Variants in SLIT2 observed in about 807,000 individuals in gnomAD.
SLIT2 encodes the protein slit guidance ligand 2, also known as slit homolog 2 protein.
SLIT2 carries 41 observed loss-of-function variants against 185.7 expected under a neutral mutation model. The observed-to-expected ratio is 0.22, with a 90% CI of 0.17 to 0.29. The LOEUF (loss-of-function observed/expected upper bound fraction) is 0.29. Ranked by LOEUF, SLIT2 falls within the 10% of genes least tolerant of loss-of-function variation. The pLI is 1.00. For missense variants in SLIT2, 1,571 were observed against 1,909.0 expected, an observed-to-expected ratio of 0.82 and a Z score of 3.30; for synonymous variants, 693 against 680.2, an observed-to-expected ratio of 1.02 and a Z score of -0.29.
intron 4 of SLIT2, among the ~76,000 whole-genome samples, chr4:20,421,831 T>C (rs979760450): frequency 2.0e-5 from 3 of 152,206 alleles, no homozygotes; most frequent in African/African-American, 7.2e-5. Context: ...CCTCCTTCCC[T>C]TTCTCCATTT....
intron 4 of SLIT2, among the ~76,000 whole-genome samples, chr4:20,307,231 T>TTCCTTCCTTCC (rs1717661138): frequency 1.7e-5 from 1 of 57,706 alleles, no homozygotes; most frequent in Non-Finnish European, 3.4e-5. Context: ...CTCTATTTCT[T>TTCCTTCCTTCC]TTCCTTCCTT....
intron 4 of SLIT2, among the ~76,000 whole-genome samples, chr4:20,378,820 A>G (rs1307208844): frequency 6.6e-6 from 1 of 152,166 alleles, no homozygotes; most frequent in Non-Finnish European, 1.5e-5. Context: ...TAATTGCCAA[A>G]TCTTGGAAGC....
intron 9 of SLIT2, among the ~76,000 whole-genome samples, chr4:20,500,876 T>C (rs1718670058): frequency 6.6e-6 from 1 of 152,224 alleles, no homozygotes; most frequent in Admixed American, 6.5e-5. Context: ...ATCTCCTATG[T>C]ACTATGAAAG....
intron 11 of SLIT2, among the ~76,000 whole-genome samples, chr4:20,511,608 T>TTTTTTTTTTTTTA (rs1560488457): frequency 6.8e-6 from 1 of 147,568 alleles, no homozygotes; most frequent in South Asian, 2.1e-4. Flanking sequence ...TTTTTTATTT[T>TTTTTTTTTTTTTA]TGGTAGAGAT....
intron 25 of SLIT2, among the ~76,000 whole-genome samples, chr4:20,551,699 C>T (rs1174152386): frequency 6.6e-6 from 1 of 152,050 alleles, no homozygotes; most frequent in South Asian, 2.1e-4. Context: ...TCAGTTGTGC[C>T]CCAGTTTCCT....
chr4:20,367,130 G>C (rs1299812499), intron 4 of SLIT2, among the ~76,000 whole-genome samples: 3 of 152,122 alleles, frequency 2.0e-5, no homozygotes, highest in African/African-American at 7.2e-5. Flanking sequence ...TAAATCCACA[G>C]TGGCTGCATC....
At position 20,567,339 on chromosome 4, in the gene SLIT2, A is replaced by G; in HGVS notation, c.2803A>G (p.Ser935Gly). The change falls in exon 27 of 37, where the codon AGT (serine) becomes GGT (glycine). Residue 935 changes from serine (S) to glycine (G), a missense_variant. Ser to Gly is a moderately conservative substitution (Grantham distance 56). Around this residue, in one of 3 missense-constraint regions of SLIT2, gnomAD observed 1,202 missense variants for 1,416.4 expected, o/e 0.85. Transcript: ENST00000504154. ...GTGTAAAAATGATGGCACATGTAAT[A>G]GTGATCCAGTTGACTTTTACCGATG... ...NPCKNDGTCN[S>G]DPVDFYRCTC... The G allele has an allele frequency of 6.2e-7, 1 of 1,613,212 alleles. No homozygotes were observed. The highest frequency in any genetic ancestry group is 1.3e-5 in the African/African-American group (1 of 75,000).
At chr4:20,365,682 G>C (rs954914649) in intron 4 of SLIT2, among the ~76,000 whole-genome samples, 1 of 152,250 alleles carries the variant, frequency 6.6e-6, no homozygotes, top group East Asian at 1.9e-4. Flanking sequence ...AAAGGAATGC[G>C]AGTGGGGACT....
At chr4:20,596,883 TAA>T (rs11318081) in intron 32 of SLIT2, among the ~76,000 whole-genome samples, 22 of 150,248 alleles carry the variant, frequency 1.5e-4, no homozygotes, top group South Asian at 4.2e-4. Context: ...AAGCAGACAG[TAA>T]AAAAAAAAAT....
At chr4:20,497,790 G>A (rs1393409276) in intron 9 of SLIT2, among the ~76,000 whole-genome samples, 5 of 152,048 alleles carry the variant, frequency 3.3e-5, no homozygotes, top group African/African-American at 1.2e-4. Flanking sequence ...CCATGGGTGG[G>A]GAAGACAGTG....
At chr4:20,415,193 C>T (rs1422114228) in intron 4 of SLIT2, among the ~76,000 whole-genome samples, 5 of 152,056 alleles carry the variant, frequency 3.3e-5, no homozygotes, top group African/African-American at 9.7e-5. Flanking sequence ...GGGCGGATCA[C>T]GAGGTCAGGA....
At chr4:20,435,762 GT>G (rs779270372) in intron 4 of SLIT2, among the ~76,000 whole-genome samples, 97 of 152,318 alleles carry the variant, frequency 6.4e-4, no homozygotes, top group Admixed American at 2.5e-3. Context: ...GAAGTCATAG[GT>G]GTAAGCAAAT....
chr4:20,368,295 T>C (rs951544123), intron 4 of SLIT2, among the ~76,000 whole-genome samples: 12 of 149,316 alleles, frequency 8.0e-5, no homozygotes, highest in African/African-American at 2.9e-4. Flanking sequence ...CACAGTCATC[T>C]AACAGACTGA....
chr4:20,508,731 A>C (rs1719431772), intron 9 of SLIT2, among the ~76,000 whole-genome samples: 1 of 152,150 alleles, frequency 6.6e-6, no homozygotes, highest in Admixed American at 6.6e-5. Flanking sequence ...TCATATTTTT[A>C]CTTTTTCCAA....
intron 3 of SLIT2, among the ~76,000 whole-genome samples, chr4:20,258,288 A>C (rs1712072667): frequency 6.6e-6 from 1 of 151,812 alleles, no homozygotes; most frequent in Non-Finnish European, 1.5e-5. Flanking sequence ...TTAATGGTGC[A>C]TTAGGGAAGA....
chr4:20,369,334 CTTTTCCTCTGG>C lies in SLIT2; in HGVS notation c.396-98413_396-98403del, dbSNP rs1457603606. 3.3e-5 allele frequency among the ~76,000 whole-genome samples: 5 copies of C among 152,056 alleles called. No homozygotes were observed. In the East Asian group the frequency reaches 7.8e-4, roughly 24 times the overall value. On this transcript the variant is annotated intron_variant, in intron 4 of 36. Coordinates refer to ENST00000504154, the MANE Select transcript of SLIT2 (RefSeq NM_004787.4). The stretch of plus-strand genomic sequence containing the variant: ...ATACATGCTGTTGAGGCAGAGGTTC[CTTTTCCTCTGG>C]TTTTTGAGATTTCCATAGCAGGGGT...
intron 34 of SLIT2, among the ~76,000 whole-genome samples, chr4:20,611,937 A>G (rs896714131): frequency 2.6e-5 from 4 of 152,174 alleles, no homozygotes; most frequent in Admixed American, 6.5e-5. Flanking sequence ...TCTTCACATA[A>G]AGCAGAAAGG....
chr4:20,286,662 C>T (rs1230797202), intron 4 of SLIT2, among the ~76,000 whole-genome samples: 2 of 152,146 alleles, frequency 1.3e-5, no homozygotes, highest in Non-Finnish European at 2.9e-5. Flanking sequence ...ATTAGATGGG[C>T]GTGGTAGCGT....
chr4:20,545,052 T>A (rs1723132767), intron 21 of SLIT2, among the ~76,000 whole-genome samples: 1 of 152,154 alleles, frequency 6.6e-6, no homozygotes, highest in Non-Finnish European at 1.5e-5. Context: ...ATCATTGTTT[T>A]TATTTTGAAA....
Sources: allele counts gnomAD v4.1 joint callset (sites outside exome capture counted in the v4.1 genomes callset), GRCh38; gene constraint gnomAD v4.1.1; regional missense constraint gnomAD v4.1.1; transcripts MANE v1.5; gene names NCBI Gene and HGNC (gene_info 2026-07-23, HGNC 2026-07-21).